Variants in DRC1 observed in about 807,000 individuals in gnomAD.
The protein encoded by DRC1 is dynein regulatory complex subunit 1, also known as dynein regulatory complex protein 1.
DRC1 carries 74 observed loss-of-function variants against 98.7 expected under a neutral mutation model. That is an observed-to-expected ratio of 0.75 (90% CI 0.62 to 0.91). The LOEUF is 0.91. Among genes scored for constraint, DRC1 ranks in the 40% least tolerant of loss-of-function variants. The probability of loss-of-function intolerance (pLI) is 0.00; values close to 1 mark genes in which losing one functional copy is unlikely to be tolerated. For missense variants in DRC1, 875 were observed against 886.0 expected (o/e 0.99, Z 0.16); for synonymous variants, 336 against 334.1 (o/e 1.01, Z -0.06).
chr2:26,444,570 C>T (rs1035761917), intron 9 of DRC1, 146 bp from the exon 10 acceptor site: 15 of 1,019,072 alleles, frequency 1.5e-5, no homozygotes, highest in African/African-American at 9.8e-5. Context: ...TCCAGTTTAT[C>T]GTAAGTGGGA....
intron 7 of DRC1, among the ~76,000 whole-genome samples, chr2:26,439,474 G>A (rs527446177): frequency 6.6e-6 from 1 of 152,234 alleles, no homozygotes; most frequent in African/African-American, 2.4e-5. Flanking sequence ...CATAGATTAG[G>A]CACACAATAA....
At position 26,419,071 on chromosome 2, in the gene DRC1, T is replaced by A. The variant is rs562246826; in HGVS notation, c.244-2217T>A. Among the ~76,000 whole-genome samples the A allele has an allele frequency of 2.9e-3, 443 of 151,552 alleles. 1 individual carries two copies. Among genetic ancestry groups the A allele is most frequent in the Non-Finnish European group, 5.3e-3 (362 of 67,940 alleles). On this transcript the variant is annotated intron_variant, in intron 2 of 16. Coordinates refer to ENST00000288710, the MANE Select transcript of DRC1 (RefSeq NM_145038.5). The stretch of plus-strand genomic sequence containing the variant: ...GCCTGGCTAAGTTTTATATTTTTAG[T>A]AGAGACGGGGTTTCACCATGTTGTT...
chr2:26,454,982 TA>T lies in DRC1; in HGVS notation c.2064-147del. On this transcript the variant is annotated intron_variant, in intron 15 of 16. Transcript: ENST00000288710. This position sits in a 1 kb window ranked among gnomAD's most constrained non-coding sequence, Gnocchi z 5.2. ...CCTGGCCTGCCTGTTCTGTTCCTGC[TA>T]ACCTGGCTCACCTGGCGGCTGGGTG... 1.5e-6 allele frequency: 2 copies of T among 1,322,534 alleles called. No individual in the cohort carries two copies. The highest frequency in any genetic ancestry group is 2.1e-6 in the Non-Finnish European group (2 of 932,264). 81.9% of individuals were successfully genotyped at this position (1,322,534 alleles called of 1,614,324 possible).
intron 16 of DRC1, 42 bp downstream of exon 16, chr2:26,455,275 G>T (rs779345828): frequency 5.7e-6 from 9 of 1,580,536 alleles, no homozygotes; most frequent in African/African-American, 4.0e-5. Flanking sequence ...CGGGAGACAC[G>T]GGTGGGGCAG....
intron 2 of DRC1, among the ~76,000 whole-genome samples, chr2:26,418,657 A>AAATATAATT (rs2147983447): frequency 2.1e-5 from 2 of 93,298 alleles, no homozygotes; most frequent in South Asian, 5.7e-4. Flanking sequence ...TATATAAATT[A>AAATATAATT]TATATTATAT....
Position 26,455,205 on chromosome 2 carries a change from C to CGCTA in DRC1, c.2139_2142dup (p.Leu715AlafsTer13). 1 of 1,613,868 alleles carries CGCTA rather than the reference C, an allele frequency of 6.2e-7. No individual in the cohort carries two copies. The highest frequency in any genetic ancestry group is 8.5e-7 in the Non-Finnish European group (1 of 1,180,002). ...GAGCAGCAGAACACAGAGCTGCAGG[C>CGCTA]GCTACTGCAGCAGTATCTGAACTCC... On this transcript the variant is annotated frameshift_variant, in exon 16 of 17. Transcript: ENST00000288710. LOFTEE classifies it high-confidence loss of function.
In DRC1 at chr2:26,456,597, G is replaced by T; in HGVS notation, c.*80G>T. 3 of 1,550,000 alleles carry T rather than the reference G, an allele frequency of 1.9e-6. No homozygotes were observed. Among genetic ancestry groups the T allele is most frequent in the Non-Finnish European group, 2.7e-6 (3 of 1,124,532 alleles). On this transcript the variant is annotated 3_prime_UTR_variant, in exon 17 of 17. Coordinates refer to ENST00000288710, the MANE Select transcript of DRC1 (RefSeq NM_145038.5). ...CGGAGCCAGCTCATATCACCCACTG[G>T]GCCGCACCTGGGCCTGCTCTCTGGA...
chr2:26,429,003 A>G (rs1056453251), intron 4 of DRC1, among the ~76,000 whole-genome samples: 1 of 152,070 alleles, frequency 6.6e-6, no homozygotes, highest in Non-Finnish European at 1.5e-5. Flanking sequence ...TTGCTCAGCT[A>G]GGACACTCTA....
intron 16 of DRC1, 141 bp downstream of exon 16, chr2:26,455,374 G>A: frequency 1.3e-6 from 1 of 757,746 alleles, no homozygotes; most frequent in Non-Finnish European, 2.1e-6. Flanking sequence ...AATCAAGAGT[G>A]GCACCTTGAG....
chr2:26,440,578 A>G (rs1226135027), intron 8 of DRC1, 61 bp downstream of exon 8: 2 of 1,509,318 alleles, frequency 1.3e-6, no homozygotes, highest in East Asian at 2.3e-5. Flanking sequence ...AGGGATGGAT[A>G]TGTACTTTTT....
intron 10 of DRC1, among the ~76,000 whole-genome samples, chr2:26,445,859 C>T (rs1385633002): frequency 1.3e-5 from 2 of 151,914 alleles, no homozygotes; most frequent in African/African-American, 4.8e-5. Context: ...AGGGTTTCAC[C>T]ATATTGGCCA....
At chr2:26,456,418 G>T (rs533574879) in intron 16 of DRC1, 43 bp from the exon 17 acceptor site, 1 of 1,613,132 alleles carries the variant, frequency 6.2e-7, no homozygotes, top group Non-Finnish European at 8.5e-7. Flanking sequence ...AAAGAAGGAG[G>T]GCCCTGGGAA....
At chr2:26,456,356 G>T in intron 16 of DRC1, 105 bp from the exon 17 acceptor site, 1 of 1,405,444 alleles carries the variant, frequency 7.1e-7, no homozygotes, top group Non-Finnish European at 1.0e-6. Flanking sequence ...GAGGAGATGC[G>T]TGCAGGGCTT....
At chr2:26,456,375 C>T in intron 16 of DRC1, 86 bp from the exon 17 acceptor site, 1 of 1,552,770 alleles carries the variant, frequency 6.4e-7, no homozygotes. Flanking sequence ...TTTGGAGGCC[C>T]ATGGGAGAGC....
intron 4 of DRC1, 129 bp from the exon 5 acceptor site, chr2:26,429,499 C>T (rs189663579): frequency 1.7e-5 from 22 of 1,267,956 alleles, no homozygotes; most frequent in Middle Eastern, 3.9e-4. Flanking sequence ...AGCCACTGTG[C>T]GCAGCCCTCT....
chr2:26,403,912 C>T (rs988120860), intron 1 of DRC1, among the ~76,000 whole-genome samples: 7 of 151,672 alleles, frequency 4.6e-5, no homozygotes, highest in Admixed American at 3.3e-4. Flanking sequence ...CCAGCCTGAC[C>T]GACATGGTGA....
chr2:26,433,957 C>T (rs1663502725), intron 7 of DRC1, among the ~76,000 whole-genome samples: 1 of 152,184 alleles, frequency 6.6e-6, no homozygotes, highest in African/African-American at 2.4e-5. Context: ...TCAGGGACTA[C>T]CCATGTGGCA....
At position 26,414,414 on chromosome 2, in the gene DRC1, A is replaced by C. The variant is rs201143906; in HGVS notation, c.226A>C (p.Lys76Gln). ...EEDQSKSYKQ[K>Q]EESRLKLAKL... is the part of the protein sequence containing the mutation. ...GGATCAAAGCAAGAGCTACAAACAGAAAGAAGAAAGCCGATTGGTATGAAC... is the reference window on the plus strand; with the variant it reads ...GGATCAAAGCAAGAGCTACAAACAGCAAGAAGAAAGCCGATTGGTATGAAC... Residue 76 changes from lysine to glutamine, a missense_variant, in exon 2 of 17, where the codon AAA (lysine) becomes CAA (glutamine). By Grantham distance (53) the Lys-to-Gln change is moderately conservative. Coordinates refer to ENST00000288710, the MANE Select transcript of DRC1 (RefSeq NM_145038.5). 30 of 1,613,670 alleles carry C rather than the reference A, an allele frequency of 1.9e-5. No homozygotes were observed. Among genetic ancestry groups the C allele is most frequent in the Non-Finnish European group, 2.5e-5 (30 of 1,179,864 alleles).
At chr2:26,441,578 A>G (rs1469998424) in intron 8 of DRC1, among the ~76,000 whole-genome samples, 1 of 152,016 alleles carries the variant, frequency 6.6e-6, no homozygotes, top group Non-Finnish European at 1.5e-5. Context: ...GAAGTGAAAT[A>G]CTGGAGGGGG....
Sources: gnomAD v4.1 joint callset for allele counts (sites outside exome capture counted in the v4.1 genomes callset) on GRCh38, gnomAD v4.1.1 for gene constraint, Gnocchi (gnomAD v3.1) non-coding constraint, MANE v1.5 for transcripts, NCBI Gene and HGNC (gene_info 2026-07-23, HGNC 2026-07-21) for gene names.